COL5A1: variants seen among roughly 807,000 people sequenced by gnomAD.
COL5A1 encodes the protein collagen type V alpha 1 chain.
In COL5A1, 16 loss-of-function variants were observed where a neutral mutation model predicts 263.7. That is an observed-to-expected ratio of 0.06 (90% CI 0.04 to 0.09). The LOEUF is 0.09. COL5A1 is among the 10% of genes least tolerant of loss of function. The pLI is 1.00. For missense variants in COL5A1, 2,036 were observed against 2,540.5 expected, an observed-to-expected ratio of 0.80 and a Z score of 4.27; for synonymous variants, 1,012 against 1,004.5, an observed-to-expected ratio of 1.01 and a Z score of -0.14.
At chr9:134,803,473 A>T (rs1838184227) in intron 39 of COL5A1, among the ~76,000 whole-genome samples, 1 of 152,114 alleles carries the variant, frequency 6.6e-6, no homozygotes, top group African/African-American at 2.4e-5. Context: ...CATCTGTACT[A>T]AAAATACAGA....
At position 134,658,180 on chromosome 9, in the gene COL5A1, G is replaced by C. The variant is rs144141841; in HGVS notation, c.109+15884G>C. Among the ~76,000 whole-genome samples the C allele has an allele frequency of 7.5e-3, 1,144 of 152,172 alleles. 12 individuals are homozygous for C. The highest frequency in any genetic ancestry group is 0.032 in the East Asian group (163 of 5,170). On this transcript the variant is annotated intron_variant, in intron 1 of 65. Transcript: ENST00000371817. ...GCTTTCTGCCCAGGGCAGGCTCTGA[G>C]GACCAATGTTCACCCTACAACCGTG...
At chr9:134,767,458 T>G in intron 24 of COL5A1, 104 bp downstream of exon 24, 1 of 1,079,708 alleles carries the variant, frequency 9.3e-7, no homozygotes, top group South Asian at 1.3e-5. Flanking sequence ...TCAATGTATA[T>G]CTTGGTGCTC....
chr9:134,763,853 G>C (rs896559095), intron 20 of COL5A1, 116 bp downstream of exon 20: 3 of 1,068,710 alleles, frequency 2.8e-6, no homozygotes, highest in Non-Finnish European at 4.1e-6. Flanking sequence ...GAGAGAGCTC[G>C]ACCTGAGAAC....
Position 134,785,070 on chromosome 9 carries a change from G to A in COL5A1, c.2566G>A (p.Gly856Ser), listed in dbSNP as rs769628213. Reference sequence around the variant, plus strand: ...TCGCGGAGGTCCCAATGGTGACCCCGGTCCTCTGGGACCCCCTGGGGAGAA... The same window carrying A: ...TCGCGGAGGTCCCAATGGTGACCCCAGTCCTCTGGGACCCCCTGGGGAGAA... ...KGRGGPNGDP[G>S]PLGPPGEKGK... Residue 856 changes from glycine to serine, a missense_variant, in exon 30 of 66, where the codon GGT (glycine) becomes AGT (serine). Coordinates refer to ENST00000371817, the MANE Select transcript of COL5A1 (RefSeq NM_000093.5). 2 of 1,613,230 alleles carry A rather than the reference G, an allele frequency of 1.2e-6. No homozygotes were observed. Among genetic ancestry groups the A allele is most frequent in the African/African-American group, 2.7e-5 (2 of 75,042 alleles).
intron 11 of COL5A1, among the ~76,000 whole-genome samples, chr9:134,748,078 A>G (rs553447182): frequency 1.4e-5 from 2 of 142,488 alleles, no homozygotes; most frequent in East Asian, 4.3e-4. Flanking sequence ...CACACCCACA[A>G]ACATGCATGC....
intron 26 of COL5A1, among the ~76,000 whole-genome samples, chr9:134,773,662 G>A (rs1166003913): frequency 1.3e-5 from 2 of 152,202 alleles, no homozygotes; most frequent in Non-Finnish European, 2.9e-5. Context: ...GGGGTCTGGG[G>A]CCTGGTCCCA....
chr9:134,657,914 C>T (rs1440474676), intron 1 of COL5A1, among the ~76,000 whole-genome samples: 2 of 151,844 alleles, frequency 1.3e-5, no homozygotes, highest in East Asian at 1.9e-4. Flanking sequence ...TTCCTGGTGT[C>T]ACAGGCTGGT....
At chr9:134,839,432 A>G (rs1041832041) in intron 65 of COL5A1, among the ~76,000 whole-genome samples, 2 of 152,212 alleles carry the variant, frequency 1.3e-5, no homozygotes, top group African/African-American at 4.8e-5. Flanking sequence ...AGCTCAGCAA[A>G]TGCTGCCCGT....
At chr9:134,744,162 T>C (rs1835387955) in intron 11 of COL5A1, among the ~76,000 whole-genome samples, 1 of 152,202 alleles carries the variant, frequency 6.6e-6, no homozygotes. Context: ...TTTGCTTTCC[T>C]GGCTCCCAGG....
intron 5 of COL5A1, 56 bp downstream of exon 5, chr9:134,727,453 T>A: frequency 6.2e-7 from 1 of 1,600,846 alleles, no homozygotes; most frequent in Non-Finnish European, 8.6e-7. Flanking sequence ...TTGGGATGGT[T>A]GGTGAAGAGA....
chr9:134,770,994 G>A (rs184113853), intron 25 of COL5A1, among the ~76,000 whole-genome samples: 182 of 152,386 alleles, frequency 1.2e-3, no homozygotes, highest in African/African-American at 3.9e-3. Context: ...GGGAATGGAG[G>A]CCGCCGTGAT....
At chr9:134,731,208 G>C (rs1834867469) in intron 7 of COL5A1, among the ~76,000 whole-genome samples, 1 of 152,212 alleles carries the variant, frequency 6.6e-6, no homozygotes, top group Admixed American at 6.5e-5. Flanking sequence ...ATTATCGCAA[G>C]ACCCTGGGGC....
In COL5A1 at chr9:134,789,515, T is replaced by C. The variant is rs1478656159; in HGVS notation, c.2700+307T>C. Among the ~76,000 whole-genome samples the C allele has an allele frequency of 2.0e-5, 3 of 152,092 alleles. No individual in the cohort carries two copies. The highest frequency in any genetic ancestry group is 4.8e-5 in the African/African-American group (2 of 41,382). ...CAGGTCATTCTGAAAATCAGATTCT[T>C]CTCCTCTACCCAAGTGGGCTTTTCC... On this transcript the variant is annotated intron_variant, in intron 32 of 65. Transcript: ENST00000371817. The surrounding 1 kb of genome is among the most constrained non-coding windows in gnomAD (Gnocchi z 4.8).
intron 65 of COL5A1, among the ~76,000 whole-genome samples, chr9:134,840,204 A>G (rs1311330904): frequency 6.6e-6 from 1 of 152,164 alleles, no homozygotes; most frequent in Non-Finnish European, 1.5e-5. Flanking sequence ...CTCCCTGAGA[A>G]CTCGCGTTCT....
intron 1 of COL5A1, among the ~76,000 whole-genome samples, chr9:134,668,009 A>T (rs546393681): frequency 2.6e-5 from 4 of 152,282 alleles, no homozygotes; most frequent in Non-Finnish European, 4.4e-5. Flanking sequence ...AGACCTGCTC[A>T]TCCACCTTTT....
intron 65 of COL5A1, among the ~76,000 whole-genome samples, chr9:134,836,373 C>T (rs960228963): frequency 6.6e-6 from 1 of 152,182 alleles, no homozygotes; most frequent in Admixed American, 6.5e-5. Context: ...ACTCATTACC[C>T]CGAGGGCAGC....
In COL5A1 at chr9:134,795,328, C is replaced by G; in HGVS notation, c.2799+13C>G. On this transcript the variant is annotated intron_variant, in intron 34 of 65. Coordinates refer to ENST00000371817, the MANE Select transcript of COL5A1 (RefSeq NM_000093.5). The stretch of plus-strand genomic sequence containing the variant: ...GCCTGGCCCCAAGGTATGTTTTTGG[C>G]CTCCTGGGCGGTGGGCGGCGTGAAC... The G allele has an allele frequency of 6.2e-7, 1 of 1,613,036 alleles. No homozygotes were observed. The highest frequency in any genetic ancestry group is 8.5e-7 in the Non-Finnish European group (1 of 1,179,754).
intron 1 of COL5A1, among the ~76,000 whole-genome samples, chr9:134,688,291 G>A (rs1833148337): frequency 6.6e-6 from 1 of 152,168 alleles, no homozygotes; most frequent in Non-Finnish European, 1.5e-5. Flanking sequence ...GTTATGGTGT[G>A]AGTCCAGGAA....
intron 1 of COL5A1, chr9:134,649,525 C>T (rs979960198): frequency 3.8e-5 from 18 of 470,912 alleles, no homozygotes; most frequent in African/African-American, 3.4e-4. Context: ...ATTAGCTCTT[C>T]TGTCCTTTTC....
Sources: gnomAD v4.1 joint callset for allele counts (sites outside exome capture counted in the v4.1 genomes callset) on GRCh38, gnomAD v4.1.1 for gene constraint, Gnocchi (gnomAD v3.1) non-coding constraint, MANE v1.5 for transcripts, NCBI Gene and HGNC (gene_info 2026-07-23, HGNC 2026-07-21) for gene names.